PIP4K2A: variants seen among roughly 807,000 people sequenced by gnomAD.
PIP4K2A encodes phosphatidylinositol 5-phosphate 4-kinase type-2 alpha.
In PIP4K2A, 14 loss-of-function variants were observed where a neutral mutation model predicts 42.9. That is an observed-to-expected ratio of 0.33 (90% CI 0.22 to 0.51). The LOEUF (loss-of-function observed/expected upper bound fraction) is 0.51, where lower values mean the gene tolerates loss of function less well. PIP4K2A is among the 20% of genes least tolerant of loss of function. The pLI, the probability that PIP4K2A is intolerant of heterozygous loss-of-function variation, is 0.97. For synonymous variants in PIP4K2A, 192 were observed against 192.2 expected, an observed-to-expected ratio of 1.00 and a Z score of 0.01; for missense variants, 434 against 519.8, an observed-to-expected ratio of 0.83 and a Z score of 1.61.
chr10:22,686,459 T>C (rs909829848), intron 1 of PIP4K2A, among the ~76,000 whole-genome samples: 1 of 152,190 alleles, frequency 6.6e-6, no homozygotes, highest in African/African-American at 2.4e-5. Flanking sequence ...AAGCAAGCTC[T>C]ATTTTCTTCT....
At chr10:22,680,155 C>G (rs908290729) in intron 1 of PIP4K2A, among the ~76,000 whole-genome samples, 1 of 151,882 alleles carries the variant, frequency 6.6e-6, no homozygotes, top group African/African-American at 2.4e-5. Flanking sequence ...AGACCATGCA[C>G]TACTTTTGAA....
intron 7 of PIP4K2A, among the ~76,000 whole-genome samples, chr10:22,549,296 CATGG>C (rs1421519642): frequency 3.3e-5 from 5 of 151,654 alleles, no homozygotes; most frequent in African/African-American, 1.2e-4. Flanking sequence ...CTTCCGCCTT[CATGG>C]GAAATACAAA....
chr10:22,692,585 GGTGTCTCTTT>G (rs1841124790), intron 1 of PIP4K2A, among the ~76,000 whole-genome samples: 1 of 152,160 alleles, frequency 6.6e-6, no homozygotes, highest in Non-Finnish European at 1.5e-5. Context: ...GTAGGCACTT[GGTGTCTCTTT>G]TCCTAGACGT....
chr10:22,708,464 T>C (rs1373579300), intron 1 of PIP4K2A, among the ~76,000 whole-genome samples: 1 of 152,166 alleles, frequency 6.6e-6, no homozygotes, highest in African/African-American at 2.4e-5. Flanking sequence ...CTTTCCAGCA[T>C]CCTACATGGT....
In PIP4K2A at chr10:22,712,054, G is replaced by A. The variant is rs935132722; in HGVS notation, c.144+2129C>T. Among the ~76,000 whole-genome samples the A allele has an allele frequency of 1.2e-4, 18 of 152,260 alleles. No homozygotes were observed. In the Middle Eastern group the frequency reaches 0.017, roughly 144 times the overall value. On this transcript the variant is annotated intron_variant, in intron 1 of 9. Coordinates refer to ENST00000376573, the MANE Select transcript of PIP4K2A (RefSeq NM_005028.5). ...TGTATGTGCCCAATATATATCTGTTGAATGAGTAACATGCTTACATTTATA... is the reference window on the plus strand; with the variant it reads ...TGTATGTGCCCAATATATATCTGTTAAATGAGTAACATGCTTACATTTATA...
chr10:22,613,102 G>A (rs1301355099), intron 1 of PIP4K2A, among the ~76,000 whole-genome samples: 2 of 152,154 alleles, frequency 1.3e-5, no homozygotes, highest in Admixed American at 6.5e-5. Context: ...AGGGAAAAGG[G>A]GGTTCAAACA....
intron 4 of PIP4K2A, among the ~76,000 whole-genome samples, chr10:22,583,645 T>G (rs560589630): frequency 5.9e-5 from 9 of 152,222 alleles, no homozygotes; most frequent in Non-Finnish European, 1.0e-4. Context: ...CCTCCTCTTT[T>G]GCAGAAACAA....
At chr10:22,656,203 C>T (rs1026338181) in intron 1 of PIP4K2A, among the ~76,000 whole-genome samples, 7 of 152,240 alleles carry the variant, frequency 4.6e-5, no homozygotes, top group African/African-American at 1.7e-4. Flanking sequence ...GGGACACCGG[C>T]TGTTCCCGCT....
Position 22,714,416 on chromosome 10 carries a change from C to G in PIP4K2A, c.-90G>C. ...CCGGCCCGGGGAGGCAGCCGCATCC[C>G]CCCGGCGGCGGCCCCGGCGCGCCGC... On this transcript the variant is annotated 5_prime_UTR_variant, in exon 1 of 10. Coordinates refer to ENST00000376573, the MANE Select transcript of PIP4K2A (RefSeq NM_005028.5). 1.1e-6 allele frequency: 1 copy of G among 947,668 alleles called. No individual in the cohort carries two copies. The highest frequency in any genetic ancestry group is 1.3e-6 in the Non-Finnish European group (1 of 768,578). The allele number at this position is 947,668 out of a possible 1,614,324, so 58.7% of individuals were successfully genotyped here.
chr10:22,627,819 C>A (rs192873785), intron 1 of PIP4K2A, among the ~76,000 whole-genome samples: 214 of 152,096 alleles, frequency 1.4e-3, no homozygotes, highest in Non-Finnish European at 3.2e-4. Flanking sequence ...TAAAGACAGT[C>A]TAGGGAGAAT....
intron 1 of PIP4K2A, among the ~76,000 whole-genome samples, chr10:22,682,412 T>A (rs975756181): frequency 1.2e-4 from 19 of 152,154 alleles, no homozygotes; most frequent in African/African-American, 4.1e-4. Flanking sequence ...AGGCCAGCAA[T>A]CTAAAAATTA....
Position 22,536,159 on chromosome 10 carries a change from G to T in PIP4K2A, c.*1042C>A. 1 of 398,518 alleles carries T rather than the reference G, an allele frequency of 2.5e-6. No homozygotes were observed. The highest frequency in any genetic ancestry group is 1.3e-4 in the South Asian group (1 of 7,848). The allele number at this position is 398,518 out of a possible 1,614,324, so 24.7% of individuals were successfully genotyped here. A position where few individuals can be genotyped will look rare whatever the true frequency, so the allele number is the denominator to read the frequency against. On this transcript the variant is annotated 3_prime_UTR_variant, in exon 10 of 10. Coordinates refer to ENST00000376573, the MANE Select transcript of PIP4K2A (RefSeq NM_005028.5). ...TAATTCGTAACAAAATCCCATTGTT[G>T]AAACAATGGTCAAACATAAACATCT...
chr10:22,568,448 A>T (rs932435446), intron 5 of PIP4K2A, among the ~76,000 whole-genome samples: 1 of 152,096 alleles, frequency 6.6e-6, no homozygotes, highest in Non-Finnish European at 1.5e-5. Context: ...CTTGCTATAC[A>T]TCAGTCCCCC....
At chr10:22,697,359 C>T (rs987785598) in intron 1 of PIP4K2A, among the ~76,000 whole-genome samples, 21 of 152,116 alleles carry the variant, frequency 1.4e-4, no homozygotes, top group African/African-American at 4.8e-5. Context: ...GAGTGGCTAG[C>T]GCACAGAATC....
At chr10:22,612,476 A>C (rs537349751) in intron 1 of PIP4K2A, among the ~76,000 whole-genome samples, 1 of 152,294 alleles carries the variant, frequency 6.6e-6, no homozygotes, top group South Asian at 2.1e-4. Flanking sequence ...TGTTAATGGG[A>C]AAACAGTGCA....
At chr10:22,547,495 G>A (rs997054195) in intron 7 of PIP4K2A, among the ~76,000 whole-genome samples, 2 of 152,196 alleles carry the variant, frequency 1.3e-5, no homozygotes, top group Admixed American at 1.3e-4. Flanking sequence ...GGGCTGTTTT[G>A]AGAATGACAA....
Position 22,537,068 on chromosome 10 carries a change from G to T in PIP4K2A, c.*133C>A. The T allele has an allele frequency of 1.5e-6, 1 of 662,300 alleles. No individual in the cohort carries two copies. 41.0% of individuals were successfully genotyped at this position (662,300 alleles called of 1,614,324 possible). ...GAGTAGCCCCCAAATCAGTCATCTT[G>T]GCCTGAAGATGTAAACAAGGAGGTT... On this transcript the variant is annotated 3_prime_UTR_variant, in exon 10 of 10. Coordinates refer to ENST00000376573, the MANE Select transcript of PIP4K2A (RefSeq NM_005028.5).
intron 6 of PIP4K2A, among the ~76,000 whole-genome samples, chr10:22,553,789 CTTTTTTT>C (rs3074629): frequency 5.1e-5 from 6 of 118,518 alleles, no homozygotes; most frequent in South Asian, 2.9e-4. Context: ...GGTTGAAAAA[CTTTTTTT>C]TTTTTTTTTT....
chr10:22,541,951 C>G lies in PIP4K2A; in HGVS notation c.889G>C (p.Asp297His), dbSNP rs556704343. 4 of 1,614,068 alleles carry G rather than the reference C, an allele frequency of 2.5e-6. No individual in the cohort carries two copies. Among genetic ancestry groups the G allele is most frequent in the Non-Finnish European group, 3.4e-6 (4 of 1,179,978 alleles). ...TCGCTCTCGCCCTCCTCCTCCCCAT[C>G]GTTCTCCTCACACTCCACTTCCTCC... ...EQEEVECEEN[D>H]GEEEGESDGT... Residue 297 changes from aspartate to histidine, a missense_variant, in exon 8 of 10, where the codon GAT becomes CAT. By Grantham distance (81) the Asp-to-His change is moderately conservative (BLOSUM62 -1). This residue lies in a region of PIP4K2A where 395 missense variants were observed against 444.5 expected (regional missense o/e 0.89). Coordinates refer to ENST00000376573, the MANE Select transcript of PIP4K2A (RefSeq NM_005028.5).
Sources: allele counts gnomAD v4.1 joint callset (sites outside exome capture counted in the v4.1 genomes callset), GRCh38; gene constraint gnomAD v4.1.1; regional missense constraint gnomAD v4.1.1; transcripts MANE v1.5; gene names NCBI Gene and HGNC (gene_info 2026-07-23, HGNC 2026-07-21).